USP32: variants seen among roughly 807,000 people sequenced by gnomAD.
USP32 encodes the protein ubiquitin carboxyl-terminal hydrolase 32.
Under a neutral mutation model 204.8 loss-of-function variants are expected in USP32, and 59 were observed. That is an observed-to-expected ratio of 0.29 (90% confidence interval 0.23 to 0.36). The LOEUF (loss-of-function observed/expected upper bound fraction) is 0.36. USP32 is among the 10% of genes least tolerant of loss of function. The probability of loss-of-function intolerance (pLI) is 1.00; values close to 1 mark genes in which losing one functional copy is unlikely to be tolerated. For missense variants in USP32, 1,160 were observed against 1,946.4 expected (o/e 0.60, Z 7.60); for synonymous variants, 517 against 678.4 (o/e 0.76, Z 3.70).
intron 18 of USP32, 86 bp downstream of exon 18, chr17:60,213,495 G>A: frequency 1.7e-6 from 1 of 597,952 alleles, no homozygotes; most frequent in Non-Finnish European, 2.8e-6. Context: ...TAGTTGTTTT[G>A]GAGAAAATTA....
intron 9 of USP32, chr17:60,256,925 C>A: frequency 2.7e-6 from 1 of 374,568 alleles, no homozygotes; most frequent in Non-Finnish European, 5.0e-6. Context: ...CACTGACCAA[C>A]AACGTGATTT....
At chr17:60,411,992 A>G (rs1365820643) in intron 1 of USP32, among the ~76,000 whole-genome samples, 3 of 152,194 alleles carry the variant, frequency 2.0e-5, no homozygotes, top group Non-Finnish European at 4.4e-5. Flanking sequence ...ATATAATTTA[A>G]TATTTAATAA....
chr17:60,301,440 T>C (rs1322860123), intron 3 of USP32, 159 bp downstream of exon 3: 1 of 505,684 alleles, frequency 2.0e-6, no homozygotes, highest in Non-Finnish European at 3.4e-6. Context: ...TATATTTCTC[T>C]AATGACTAAT....
intron 26 of USP32, among the ~76,000 whole-genome samples, chr17:60,198,943 A>G (rs527692013): frequency 1.3e-3 from 201 of 152,222 alleles, no homozygotes; most frequent in Non-Finnish European, 2.3e-3. Context: ...GGGAGACCCT[A>G]TCTCTATAAA....
At chr17:60,322,345 C>T (rs1173285262) in intron 2 of USP32, among the ~76,000 whole-genome samples, 1 of 152,006 alleles carries the variant, frequency 6.6e-6, no homozygotes, top group Non-Finnish European at 1.5e-5. Context: ...AGATATTGTT[C>T]TTAAATCAAT....
intron 11 of USP32, among the ~76,000 whole-genome samples, chr17:60,238,071 C>G (rs1367604617): frequency 6.6e-6 from 1 of 152,128 alleles, no homozygotes; most frequent in Non-Finnish European, 1.5e-5. Context: ...TTGCCAAAAC[C>G]TTCCATTTTA....
intron 29 of USP32, among the ~76,000 whole-genome samples, chr17:60,188,614 T>A (rs1201405486): frequency 3.3e-5 from 5 of 152,234 alleles, no homozygotes; most frequent in Admixed American, 3.3e-4. Flanking sequence ...TAACCATTCC[T>A]CTAATGTGAG....
chr17:60,232,229 G>A (rs1947160565), intron 12 of USP32, among the ~76,000 whole-genome samples: 1 of 139,246 alleles, frequency 7.2e-6, no homozygotes, highest in South Asian at 2.2e-4. Flanking sequence ...ATGGTGTGCA[G>A]TGGCATGATC....
At chr17:60,190,495 A>G in intron 29 of USP32, 68 bp downstream of exon 29, 1 of 1,480,262 alleles carries the variant, frequency 6.8e-7, no homozygotes, top group Non-Finnish European at 8.9e-7. Context: ...CAGAAATGGC[A>G]TAATAGTTAC....
At chr17:60,318,678 G>A (rs911567725) in intron 2 of USP32, among the ~76,000 whole-genome samples, 1 of 152,124 alleles carries the variant, frequency 6.6e-6, no homozygotes, top group Admixed American at 6.5e-5. Context: ...TTACAGAATT[G>A]TTTTACTGCC....
At chr17:60,277,333 C>G (rs2086863597) in intron 5 of USP32, among the ~76,000 whole-genome samples, 1 of 152,124 alleles carries the variant, frequency 6.6e-6, no homozygotes. Flanking sequence ...AGGCACATAT[C>G]CAAATATTTT....
chr17:60,282,996 AG>A (rs1192389152), intron 5 of USP32, among the ~76,000 whole-genome samples: 1 of 152,250 alleles, frequency 6.6e-6, no homozygotes, highest in African/African-American at 2.4e-5. Flanking sequence ...ACTTAGAGAT[AG>A]GGCAAAAAGC....
At chr17:60,422,237 C>T (rs773122176) in intron 1 of USP32, 4 of 330,962 alleles carry the variant, frequency 1.2e-5, no homozygotes, top group Admixed American at 4.5e-5. Flanking sequence ...ATGAGTTCAA[C>T]AGCCTTACCA....
rs1233875824 is a variant in USP32, at chr17:60,192,825, C to A, written c.3521+19G>T. The A allele has an allele frequency of 6.2e-7, 1 of 1,611,674 alleles. No homozygotes were observed. Among genetic ancestry groups the A allele is most frequent in the Non-Finnish European group, 8.5e-7 (1 of 1,177,856 alleles). ...AAGCTGAAATTCTACTAAAGTAATT[C>A]TTTTGCAGGTCACTTTACCTATACC... On this transcript the variant is annotated intron_variant, in intron 28 of 33. Coordinates refer to ENST00000300896, the MANE Select transcript of USP32 (RefSeq NM_032582.4).
intron 1 of USP32, among the ~76,000 whole-genome samples, chr17:60,409,101 A>G (rs1180674713): frequency 1.3e-5 from 2 of 152,158 alleles, no homozygotes; most frequent in Admixed American, 6.6e-5. Flanking sequence ...TAATCCCAGC[A>G]CTTTGGGAGG....
At chr17:60,293,742 G>C (rs2087347015) in intron 4 of USP32, among the ~76,000 whole-genome samples, 1 of 152,178 alleles carries the variant, frequency 6.6e-6, no homozygotes, top group South Asian at 2.1e-4. Context: ...GACAATCAAT[G>C]TCTATACAGT....
At chr17:60,381,546 T>C (rs1434347402) in intron 1 of USP32, among the ~76,000 whole-genome samples, 1 of 152,192 alleles carries the variant, frequency 6.6e-6, no homozygotes, top group African/African-American at 2.4e-5. Flanking sequence ...AATGCACCTC[T>C]AGTCATTTTA....
intron 28 of USP32, among the ~76,000 whole-genome samples, chr17:60,192,601 A>T (rs1474549143): frequency 6.6e-6 from 1 of 152,004 alleles, no homozygotes; most frequent in African/African-American, 2.4e-5. Context: ...CGCCCCGCTA[A>T]TTTTTGTATG....
At chr17:60,403,669 G>A (rs903393196) in intron 1 of USP32, among the ~76,000 whole-genome samples, 1 of 152,166 alleles carries the variant, frequency 6.6e-6, no homozygotes, top group Non-Finnish European at 1.5e-5. Flanking sequence ...GGGTCGTGAT[G>A]TATTGAACTT....
Sources: gnomAD v4.1 joint callset for allele counts (sites outside exome capture counted in the v4.1 genomes callset) on GRCh38, gnomAD v4.1.1 for gene constraint, MANE v1.5 for transcripts, NCBI Gene and HGNC (gene_info 2026-07-23, HGNC 2026-07-21) for gene names.